HS3ST4: variants seen among roughly 807,000 people sequenced by gnomAD.
HS3ST4 encodes heparan sulfate glucosamine 3-O-sulfotransferase 4.
HS3ST4 carries 17 observed loss-of-function variants against 29.2 expected under a neutral mutation model. The observed-to-expected ratio is 0.58, with a 90% CI of 0.40 to 0.87. The LOEUF is 0.87. Ranked by LOEUF, HS3ST4 falls within the 40% of genes least tolerant of loss-of-function variation. The probability of loss-of-function intolerance (pLI) is 0.00; values close to 1 mark genes in which losing one functional copy is unlikely to be tolerated. For synonymous variants in HS3ST4, 314 were observed against 285.7 expected (o/e 1.10, Z -1.00); for missense variants, 627 against 634.5 (o/e 0.99, Z 0.13).
chr16:26,110,175 C>G (rs1189144342), intron 1 of HS3ST4, among the ~76,000 whole-genome samples: 1 of 152,150 alleles, frequency 6.6e-6, no homozygotes, highest in Non-Finnish European at 1.5e-5. Flanking sequence ...GCTTATTTCA[C>G]TTAGCATAAT....
intron 1 of HS3ST4, among the ~76,000 whole-genome samples, chr16:26,118,104 T>C (rs1415727096): frequency 6.6e-6 from 1 of 152,194 alleles, no homozygotes; most frequent in Non-Finnish European, 1.5e-5. Flanking sequence ...CTCACTCTGT[T>C]GCCCACTCTG....
At chr16:25,867,696 G>A (rs1211229590) in intron 1 of HS3ST4, among the ~76,000 whole-genome samples, 1 of 151,990 alleles carries the variant, frequency 6.6e-6, no homozygotes, top group Non-Finnish European at 1.5e-5. Flanking sequence ...ATAGCTTCAG[G>A]GCTTGGCACA....
intron 1 of HS3ST4, among the ~76,000 whole-genome samples, chr16:25,902,086 A>G (rs575482443): frequency 1.3e-5 from 2 of 152,026 alleles, no homozygotes; most frequent in African/African-American, 4.8e-5. Flanking sequence ...GCATTTCCCC[A>G]TTTCTTCCTC....
At chr16:25,750,356 C>A (rs751668870) in intron 1 of HS3ST4, among the ~76,000 whole-genome samples, 12 of 152,318 alleles carry the variant, frequency 7.9e-5, no homozygotes, top group Non-Finnish European at 1.2e-4. Flanking sequence ...CACGTACCAT[C>A]ATTTCATACT....
intron 1 of HS3ST4, among the ~76,000 whole-genome samples, chr16:25,860,415 A>G (rs561963922): frequency 2.0e-5 from 3 of 152,346 alleles, no homozygotes; most frequent in Admixed American, 2.0e-4. Flanking sequence ...ATGAGTGTTT[A>G]TAACAGCTTT....
chr16:25,773,618 C>A (rs777073584), intron 1 of HS3ST4, among the ~76,000 whole-genome samples: 34 of 152,168 alleles, frequency 2.2e-4, no homozygotes, highest in Admixed American at 1.3e-3. Context: ...AAACTGAAAA[C>A]ATCTTGAAAT....
At position 25,817,343 on chromosome 16, in the gene HS3ST4, G is replaced by C. The variant is rs79587163; in HGVS notation, c.734+124192G>C. ...TCTTGGACAGACTAGTACAGAGGTT[G>C]GCGAATTTCTTAGGAAAAGGGCCAG... is the stretch of plus-strand genomic sequence containing the variant. On this transcript the variant is annotated intron_variant, in intron 1 of 1. Coordinates refer to ENST00000331351, the MANE Select transcript of HS3ST4 (RefSeq NM_006040.3). Among the ~76,000 whole-genome samples the C allele has an allele frequency of 2.2e-3, 338 of 152,302 alleles. 3 individuals are homozygous for C. The highest frequency in any genetic ancestry group is 7.4e-3 in the African/African-American group (309 of 41,554).
At chr16:26,086,578 C>T (rs1484286088) in intron 1 of HS3ST4, among the ~76,000 whole-genome samples, 2 of 151,862 alleles carry the variant, frequency 1.3e-5, no homozygotes, top group Non-Finnish European at 2.9e-5. Flanking sequence ...CTTGATCTCC[C>T]GACCTCGTGA....
chr16:26,069,560 A>T (rs954574901), intron 1 of HS3ST4, among the ~76,000 whole-genome samples: 8 of 150,100 alleles, frequency 5.3e-5, no homozygotes, highest in East Asian at 3.9e-4. Context: ...ATATATATAT[A>T]TTTTTTTTTA....
chr16:26,043,191 CAG>C (rs1320073275), intron 1 of HS3ST4, among the ~76,000 whole-genome samples: 2 of 152,142 alleles, frequency 1.3e-5, no homozygotes, highest in African/African-American at 2.4e-5. Context: ...AATGCACACA[CAG>C]AGATTTGAAA....
chr16:25,972,605 C>T (rs1034642734), intron 1 of HS3ST4, among the ~76,000 whole-genome samples: 1 of 152,172 alleles, frequency 6.6e-6, no homozygotes, highest in Non-Finnish European at 1.5e-5. Context: ...TTCATCAGAG[C>T]AAGTGAGAGG....
At chr16:25,785,888 A>G (rs1294228581) in intron 1 of HS3ST4, among the ~76,000 whole-genome samples, 4 of 152,170 alleles carry the variant, frequency 2.6e-5, no homozygotes, top group Non-Finnish European at 5.9e-5. Flanking sequence ...CAAACTGGAC[A>G]TGGCCCAGAC....
At chr16:25,939,134 T>G (rs1596620234) in intron 1 of HS3ST4, among the ~76,000 whole-genome samples, 2 of 152,004 alleles carry the variant, frequency 1.3e-5, no homozygotes, top group South Asian at 4.1e-4. Flanking sequence ...CACACATACC[T>G]CATTGGGCCA....
At chr16:25,762,971 G>A (rs930613241) in intron 1 of HS3ST4, among the ~76,000 whole-genome samples, 2 of 151,472 alleles carry the variant, frequency 1.3e-5, no homozygotes, top group Admixed American at 1.3e-4. Flanking sequence ...AATCTGCTCA[G>A]CTACTAGCTT....
chr16:26,028,168 G>A (rs1320577893), intron 1 of HS3ST4, among the ~76,000 whole-genome samples: 1 of 151,106 alleles, frequency 6.6e-6, no homozygotes, highest in African/African-American at 2.4e-5. Context: ...AGCTACCTGG[G>A]AGGCTGAGGC....
intron 1 of HS3ST4, among the ~76,000 whole-genome samples, chr16:26,033,179 G>C (rs1350756605): frequency 6.6e-6 from 1 of 152,128 alleles, no homozygotes; most frequent in African/African-American, 2.4e-5. Context: ...AGGAGTTCGA[G>C]ACCAGCCTGG....
At chr16:26,059,126 CAG>C (rs1898445032) in intron 1 of HS3ST4, among the ~76,000 whole-genome samples, 1 of 152,074 alleles carries the variant, frequency 6.6e-6, no homozygotes, top group South Asian at 2.1e-4. Flanking sequence ...AAGAATGAGA[CAG>C]AGACAGAACC....
At chr16:25,873,398 C>CCATA (rs1967781617) in intron 1 of HS3ST4, among the ~76,000 whole-genome samples, 1 of 134,108 alleles carries the variant, frequency 7.5e-6, no homozygotes, top group South Asian at 2.7e-4. Context: ...ATCCATCCAT[C>CCATA]CATCCATCCA....
chr16:25,761,757 G>A (rs8049397), intron 1 of HS3ST4, among the ~76,000 whole-genome samples: 2,746 of 152,218 alleles, frequency 0.018, 80 homozygotes, highest in African/African-American at 0.061. Context: ...TGTGCCCCAC[G>A]GGCATAATAA....
Sources: allele counts gnomAD v4.1 joint callset (sites outside exome capture counted in the v4.1 genomes callset), GRCh38; gene constraint gnomAD v4.1.1; transcripts MANE v1.5; gene names NCBI Gene and HGNC (gene_info 2026-07-23, HGNC 2026-07-21).